The following B3GALT1 variants were observed in gnomAD, a reference collection of about 807,000 sequenced individuals.
B3GALT1 encodes the protein beta-1,3-galactosyltransferase 1, also known as UDP-Gal:betaGlcNAc beta 1,3-galactosyltransferase, polypeptide 1.
In B3GALT1, 10 loss-of-function variants were observed where a neutral mutation model predicts 23.2. The observed-to-expected ratio is 0.43, with a 90% CI of 0.27 to 0.73. The LOEUF (loss-of-function observed/expected upper bound fraction) is 0.73, where lower values mean the gene tolerates loss of function less well. Among genes scored for constraint, B3GALT1 ranks in the 30% least tolerant of loss-of-function variants. The pLI, the probability that B3GALT1 is intolerant of heterozygous loss-of-function variation, is 0.21. For synonymous variants in B3GALT1, 156 were observed against 141.5 expected, an observed-to-expected ratio of 1.10 and a Z score of -0.73; for missense variants, 299 against 405.4, an observed-to-expected ratio of 0.74 and a Z score of 2.25.
intron 2 of B3GALT1, among the ~76,000 whole-genome samples, chr2:167,492,877 A>ATG (rs61117741): frequency 0.073 from 10,870 of 148,852 alleles, 529 homozygotes; most frequent in East Asian, 0.19. Context: ...GTATTTAGAG[A>ATG]TGTGTGTGTG....
chr2:167,331,096 T>C (rs1608518), intron 1 of B3GALT1, among the ~76,000 whole-genome samples: 1 of 151,390 alleles, frequency 6.6e-6, no homozygotes, highest in East Asian at 1.9e-4. Flanking sequence ...TGATTTTTTT[T>C]GGGGGGGTAT....
rs1688443139 is a variant in B3GALT1 at position 167,791,904 on chromosome 2, TA to T, written c.-351-26762del. 2.0e-5 allele frequency among the ~76,000 whole-genome samples: 3 copies of T among 151,276 alleles called. No individual in the cohort carries two copies. The South Asian group carries it at 6.3e-4, about 32-fold the overall frequency. On this transcript the variant is annotated intron_variant, in intron 3 of 4. Transcript: ENST00000392690. ...CCTGCTCCTAGAAAAAAAAAAAAGA[TA>T]AAAAAGCAAAAATACTGGGCATGTA...
intron 2 of B3GALT1, among the ~76,000 whole-genome samples, chr2:167,603,145 A>T (rs566896164): frequency 6.6e-6 from 1 of 152,256 alleles, no homozygotes; most frequent in African/African-American, 2.4e-5. Context: ...CTTTACAAAC[A>T]TGTTTCCTAT....
At chr2:167,621,765 A>G (rs1457952664) in intron 2 of B3GALT1, among the ~76,000 whole-genome samples, 1 of 151,948 alleles carries the variant, frequency 6.6e-6, no homozygotes, top group Non-Finnish European at 1.5e-5. Flanking sequence ...TGGTTTTATA[A>G]GGGGCTCTTC....
intron 2 of B3GALT1, among the ~76,000 whole-genome samples, chr2:167,496,518 T>C (rs1231738623): frequency 6.6e-6 from 1 of 152,150 alleles, no homozygotes; most frequent in Non-Finnish European, 1.5e-5. Context: ...GTAGTGGATA[T>C]TATAAGGAAG....
intron 4 of B3GALT1, among the ~76,000 whole-genome samples, chr2:167,837,198 A>G (rs368668037): frequency 6.6e-5 from 10 of 152,094 alleles, no homozygotes; most frequent in African/African-American, 2.4e-4. Flanking sequence ...AAATGTAAAT[A>G]GACTAAATGC....
At chr2:167,711,219 C>T (rs1474317282) in intron 3 of B3GALT1, among the ~76,000 whole-genome samples, 1 of 152,176 alleles carries the variant, frequency 6.6e-6, no homozygotes, top group East Asian at 1.9e-4. Flanking sequence ...ATGTCACCTT[C>T]TCAAGGATGC....
chr2:167,788,199 G>C (rs969685428), intron 3 of B3GALT1, among the ~76,000 whole-genome samples: 13 of 144,036 alleles, frequency 9.0e-5, no homozygotes, highest in African/African-American at 3.3e-4. Flanking sequence ...TTTTAATTTA[G>C]ATCAGTAGTC....
intron 2 of B3GALT1, among the ~76,000 whole-genome samples, chr2:167,543,847 A>T (rs981509410): frequency 1.3e-5 from 2 of 152,228 alleles, no homozygotes; most frequent in Non-Finnish European, 2.9e-5. Context: ...AGGGAATCAG[A>T]CATATACTGG....
At chr2:167,448,525 A>T (rs568639611) in intron 1 of B3GALT1, among the ~76,000 whole-genome samples, 1 of 152,146 alleles carries the variant, frequency 6.6e-6, no homozygotes, top group African/African-American at 2.4e-5. Flanking sequence ...CCTTTGTCAG[A>T]TGTATAGATT....
chr2:167,319,892 C>T (rs1231747810), intron 1 of B3GALT1, among the ~76,000 whole-genome samples: 3 of 151,960 alleles, frequency 2.0e-5, no homozygotes, highest in South Asian at 2.1e-4. Flanking sequence ...AATATTCAGG[C>T]GAGAACACAG....
intron 1 of B3GALT1, among the ~76,000 whole-genome samples, chr2:167,355,504 G>A (rs1469336248): frequency 6.6e-6 from 1 of 152,074 alleles, no homozygotes; most frequent in Non-Finnish European, 1.5e-5. Flanking sequence ...ATTACAGTAG[G>A]TTGTCTAGAA....
chr2:167,563,496 C>T (rs1311524864), intron 2 of B3GALT1, among the ~76,000 whole-genome samples: 6 of 70,008 alleles, frequency 8.6e-5, no homozygotes, highest in African/African-American at 1.5e-4. Context: ...CGGGCAGAGG[C>T]GCCCCTCACC....
chr2:167,626,359 C>T (rs1685346349), intron 2 of B3GALT1, among the ~76,000 whole-genome samples: 1 of 151,542 alleles, frequency 6.6e-6, no homozygotes, highest in African/African-American at 2.4e-5. Flanking sequence ...AGAAGCTTTG[C>T]ACTCAACAAT....
At chr2:167,743,401 T>A (rs1687605293) in intron 3 of B3GALT1, among the ~76,000 whole-genome samples, 1 of 152,114 alleles carries the variant, frequency 6.6e-6, no homozygotes, top group Admixed American at 6.5e-5. Context: ...ACTTCTTGTC[T>A]TTTTGCTAAA....
intron 3 of B3GALT1, among the ~76,000 whole-genome samples, chr2:167,669,335 C>T (rs1459654275): frequency 6.6e-6 from 1 of 152,104 alleles, no homozygotes; most frequent in Non-Finnish European, 1.5e-5. Context: ...TTTCAAAGTG[C>T]AAAATTCAAA....
chr2:167,406,335 A>G (rs1476966396), intron 1 of B3GALT1, among the ~76,000 whole-genome samples: 1 of 152,148 alleles, frequency 6.6e-6, no homozygotes, highest in Non-Finnish European at 1.5e-5. Flanking sequence ...CCCACCACAG[A>G]AATCCAGAAA....
chr2:167,582,596 C>A (rs928649365), intron 2 of B3GALT1, among the ~76,000 whole-genome samples: 15 of 152,100 alleles, frequency 9.9e-5, no homozygotes, highest in African/African-American at 3.1e-4. Context: ...TTGGTTTTCT[C>A]ATTTTTCCCT....
chr2:167,626,046 A>T (rs967716650), intron 2 of B3GALT1, among the ~76,000 whole-genome samples: 7 of 148,576 alleles, frequency 4.7e-5, no homozygotes, highest in Non-Finnish European at 8.9e-5. Context: ...TGAAGGGAAC[A>T]ATTTTCAGCT....
Sources: gnomAD v4.1 joint callset for allele counts (sites outside exome capture counted in the v4.1 genomes callset) on GRCh38, gnomAD v4.1.1 for gene constraint, MANE v1.5 for transcripts, NCBI Gene and HGNC (gene_info 2026-07-23, HGNC 2026-07-21) for gene names.